The following CNTNAP2 variants were observed in gnomAD, a reference collection of about 807,000 sequenced individuals.
CNTNAP2 encodes the protein contactin-associated protein-like 2.
Under a neutral mutation model 155.2 loss-of-function variants are expected in CNTNAP2, and 98 were observed. The observed-to-expected ratio is 0.63, with a 90% CI of 0.54 to 0.75. CNTNAP2 has a LOEUF of 0.75. Ranked by LOEUF, CNTNAP2 falls within the 30% of genes least tolerant of loss-of-function variation. The probability of loss-of-function intolerance (pLI) is 0.00; values close to 1 mark genes in which losing one functional copy is unlikely to be tolerated. For synonymous variants in CNTNAP2, 651 were observed against 631.2 expected (o/e 1.03, Z -0.47); for missense variants, 1,727 against 1,688.1 (o/e 1.02, Z -0.40).
intron 3 of CNTNAP2, among the ~76,000 whole-genome samples, chr7:147,032,116 T>A (rs1799046546): frequency 6.6e-6 from 1 of 152,212 alleles, no homozygotes; most frequent in South Asian, 2.1e-4. Flanking sequence ...AACTATTCAC[T>A]GGTTTTCAGT....
intron 8 of CNTNAP2, among the ~76,000 whole-genome samples, chr7:147,223,050 C>A (rs1176775771): frequency 3.9e-5 from 6 of 152,106 alleles, no homozygotes; most frequent in Admixed American, 1.3e-4. Context: ...GATTTTTCTC[C>A]AATATTTGCT....
At chr7:148,008,970 G>A (rs533583634) in intron 15 of CNTNAP2, among the ~76,000 whole-genome samples, 1 of 152,306 alleles carries the variant, frequency 6.6e-6, no homozygotes, top group East Asian at 1.9e-4. Context: ...ATTATGTGGA[G>A]TAACAAACCC....
At chr7:147,534,191 G>A (rs1336314075) in intron 11 of CNTNAP2, among the ~76,000 whole-genome samples, 2 of 152,148 alleles carry the variant, frequency 1.3e-5, no homozygotes, top group Non-Finnish European at 2.9e-5. Flanking sequence ...TTTGGTTGGG[G>A]TTGCTATGGT....
In CNTNAP2 at chr7:146,500,674, T is replaced by C. The variant is rs560458701; in HGVS notation, c.98-273597T>C. ...GAGTGTTGGGTTGGTTTCAAAGGGA[T>C]GGCTTTGTTTCTTCCTTCTAATTTC... On this transcript the variant is annotated intron_variant, in intron 1 of 23. Coordinates refer to ENST00000361727, the MANE Select transcript of CNTNAP2 (RefSeq NM_014141.6). Among the ~76,000 whole-genome samples, 20 of 152,314 alleles carry C rather than the reference T, an allele frequency of 1.3e-4. No individual in the cohort carries two copies. The East Asian group carries it at 3.5e-3, about 26-fold the overall frequency.
chr7:147,097,778 G>C (rs1240705503), intron 4 of CNTNAP2, among the ~76,000 whole-genome samples: 2 of 152,198 alleles, frequency 1.3e-5, no homozygotes, highest in African/African-American at 4.8e-5. Context: ...CTAAGATTCT[G>C]TGTAAAAATT....
intron 12 of CNTNAP2, among the ~76,000 whole-genome samples, chr7:147,590,602 T>A (rs1197499145): frequency 6.6e-6 from 1 of 152,200 alleles, no homozygotes; most frequent in Admixed American, 6.5e-5. Flanking sequence ...TACAGCAGCA[T>A]GAGAACGGAC....
At chr7:146,197,388 C>T (rs990344713) in intron 1 of CNTNAP2, among the ~76,000 whole-genome samples, 4 of 152,094 alleles carry the variant, frequency 2.6e-5, no homozygotes, top group African/African-American at 9.7e-5. Context: ...GGTATTTAAA[C>T]TGACCTTAGA....
chr7:147,049,942 G>T (rs1302649433), intron 4 of CNTNAP2, among the ~76,000 whole-genome samples: 1 of 152,130 alleles, frequency 6.6e-6, no homozygotes, highest in Non-Finnish European at 1.5e-5. Context: ...ATTCCAGGTG[G>T]AGAATTTCGT....
At chr7:146,827,373 G>A (rs1370402038) in intron 2 of CNTNAP2, among the ~76,000 whole-genome samples, 1 of 151,866 alleles carries the variant, frequency 6.6e-6, no homozygotes, top group Non-Finnish European at 1.5e-5. Context: ...CTAATAGAGG[G>A]GCAATTTGGT....
At chr7:146,471,647 A>G (rs1174372091) in intron 1 of CNTNAP2, among the ~76,000 whole-genome samples, 3 of 152,258 alleles carry the variant, frequency 2.0e-5, no homozygotes, top group Admixed American at 6.5e-5. Flanking sequence ...TGAATGCTCA[A>G]ATGAAATCTC....
intron 13 of CNTNAP2, among the ~76,000 whole-genome samples, chr7:147,653,544 A>G (rs1795479193): frequency 6.6e-6 from 1 of 152,204 alleles, no homozygotes. Context: ...AAACAAAAAT[A>G]TGAAATCACC....
At chr7:148,297,165 A>AAAGGAAGGAAGGAAGGAAGG (rs141074994) in intron 21 of CNTNAP2, among the ~76,000 whole-genome samples, 6,405 of 128,800 alleles carry the variant, frequency 0.05, 252 homozygotes, top group East Asian at 0.086. Flanking sequence ...GAGATAGAGA[A>AAAGGAAGGAAGGAAGGAAGG]AAGGAAGGAA....
chr7:147,703,281 G>A (rs1796263254), intron 13 of CNTNAP2, among the ~76,000 whole-genome samples: 1 of 152,034 alleles, frequency 6.6e-6, no homozygotes, highest in Admixed American at 6.6e-5. Context: ...TCACACACTG[G>A]ACTCTCTAAC....
intron 15 of CNTNAP2, chr7:147,978,278 A>C (rs1414170386): frequency 1.4e-5 from 6 of 421,130 alleles, no homozygotes; most frequent in Admixed American, 3.5e-5. Flanking sequence ...TAATAGCATA[A>C]ATGCAGTACT....
At chr7:146,155,843 G>T (rs554364210) in intron 1 of CNTNAP2, among the ~76,000 whole-genome samples, 1 of 151,780 alleles carries the variant, frequency 6.6e-6, no homozygotes, top group East Asian at 1.9e-4. Context: ...GGGATTACAG[G>T]TGCCCACCAC....
rs1011310569 is a variant in CNTNAP2, at chr7:147,648,053, G to A, written c.2098+8747G>A. On this transcript the variant is annotated intron_variant, in intron 13 of 23. Transcript: ENST00000361727. ...AAAGAGCAGGGGTAAGTTTTCAAAA[G>A]GTTGATGGTACGAGGATGGCTACAT... Among the ~76,000 whole-genome samples, 27 of 152,274 alleles carry A rather than the reference G, an allele frequency of 1.8e-4. 1 individual carries two copies. Among genetic ancestry groups the A allele is most frequent in the Non-Finnish European group, 3.7e-4 (25 of 68,020 alleles).
intron 20 of CNTNAP2, among the ~76,000 whole-genome samples, chr7:148,231,697 G>A (rs1585204544): frequency 6.6e-6 from 1 of 152,234 alleles, no homozygotes; most frequent in East Asian, 1.9e-4. Flanking sequence ...GGAAGAAGGG[G>A]TCCTAGTTTC....
intron 1 of CNTNAP2, among the ~76,000 whole-genome samples, chr7:146,134,950 C>G (rs987097503): frequency 1.3e-5 from 2 of 151,798 alleles, no homozygotes; most frequent in Non-Finnish European, 2.9e-5. Context: ...AGGATTCCCT[C>G]TTTTTCTATT....
chr7:147,849,632 T>C (rs1209273347), intron 13 of CNTNAP2, among the ~76,000 whole-genome samples: 1 of 152,188 alleles, frequency 6.6e-6, no homozygotes, highest in African/African-American at 2.4e-5. Context: ...AAGAAACCTC[T>C]TCCTCCTGCC....
Sources: gnomAD v4.1 joint callset for allele counts (sites outside exome capture counted in the v4.1 genomes callset) on GRCh38, gnomAD v4.1.1 for gene constraint, MANE v1.5 for transcripts, NCBI Gene and HGNC (gene_info 2026-07-23, HGNC 2026-07-21) for gene names.